BCKDHB: variants seen among roughly 807,000 people sequenced by gnomAD.
BCKDHB encodes the protein branched chain keto acid dehydrogenase E1 subunit beta, also known as 2-oxoisovalerate dehydrogenase subunit beta, mitochondrial.
Under a neutral mutation model 48.5 loss-of-function variants are expected in BCKDHB, and 41 were observed. The observed-to-expected ratio is 0.85, with a 90% CI of 0.66 to 1.10. BCKDHB has a LOEUF of 1.10. Ranked by LOEUF, BCKDHB falls within the 50% of genes least tolerant of loss-of-function variation. BCKDHB has a pLI of 0.00. For synonymous variants in BCKDHB, 201 were observed against 174.8 expected (o/e 1.15, Z -1.18); for missense variants, 496 against 494.2 (o/e 1.00, Z -0.03).
intron 8 of BCKDHB, among the ~76,000 whole-genome samples, chr6:80,211,177 G>A (rs1419474487): frequency 1.3e-5 from 2 of 152,140 alleles, no homozygotes; most frequent in African/African-American, 4.8e-5. Context: ...AGGTCTAGGT[G>A]ATTTTCACAT....
intron 8 of BCKDHB, among the ~76,000 whole-genome samples, chr6:80,270,986 G>C (rs1666536975): frequency 6.6e-6 from 1 of 151,974 alleles, no homozygotes; most frequent in South Asian, 2.1e-4. Context: ...AGACTTACTA[G>C]AATACTTTCA....
intron 3 of BCKDHB, among the ~76,000 whole-genome samples, chr6:80,143,360 A>C (rs1232573053): frequency 6.6e-6 from 1 of 152,146 alleles, no homozygotes; most frequent in African/African-American, 2.4e-5. Flanking sequence ...TTGGAAATCC[A>C]CTGTTATCAC....
the BCKDHB span, among the ~76,000 whole-genome samples, chr6:80,410,393 T>C: frequency 1.3e-5 from 2 of 152,176 alleles, no homozygotes; most frequent in African/African-American, 4.8e-5. Flanking sequence ...TTTCCTTCAT[T>C]TCAACCTTGG....
At chr6:80,447,131 A>G in the BCKDHB span, among the ~76,000 whole-genome samples, 134,375 of 152,050 alleles carry the variant, frequency 0.88, 59,730 homozygotes, top group East Asian at 0.95. Flanking sequence ...TTTTTTCTGG[A>G]TATGATGAAC....
chr6:80,339,133 G>C (rs181528239), intron 9 of BCKDHB, among the ~76,000 whole-genome samples: 1 of 152,148 alleles, frequency 6.6e-6, no homozygotes, highest in South Asian at 2.1e-4. Flanking sequence ...AACTTGAATG[G>C]AGAAATAGGG....
chr6:80,366,804 C>T, the BCKDHB span, among the ~76,000 whole-genome samples: 2 of 152,196 alleles, frequency 1.3e-5, no homozygotes, highest in Non-Finnish European at 2.9e-5. Context: ...AGTCTAGCTA[C>T]TTTCCCCACA....
chr6:80,110,905 A>C lies in BCKDHB; in HGVS notation c.196+4016A>C, dbSNP rs556471028. Among the ~76,000 whole-genome samples, 12 of 152,344 alleles carry C rather than the reference A, an allele frequency of 7.9e-5. No homozygotes were observed. The East Asian group carries it at 2.1e-3, about 27-fold the overall frequency. On this transcript the variant is annotated intron_variant, in intron 1 of 9. Coordinates refer to ENST00000320393, the MANE Select transcript of BCKDHB (RefSeq NM_183050.4). The stretch of plus-strand genomic sequence containing the variant: ...CTGTTTTAGCCTTCCTTGGTTTTCC[A>C]GTATACCATGCCAGTGTGTTAACCT...
chr6:80,178,139 A>G (rs1483738218), intron 6 of BCKDHB, among the ~76,000 whole-genome samples: 1 of 152,126 alleles, frequency 6.6e-6, no homozygotes, highest in African/African-American at 2.4e-5. Context: ...CCTCTATCTC[A>G]GCCATTCTGA....
intron 6 of BCKDHB, among the ~76,000 whole-genome samples, chr6:80,176,482 A>G (rs2127785282): frequency 6.6e-6 from 1 of 152,318 alleles, no homozygotes; most frequent in African/African-American, 2.4e-5. Flanking sequence ...GACAGGAGAT[A>G]AAGTACAGAG....
At chr6:80,375,715 G>C in the BCKDHB span, among the ~76,000 whole-genome samples, 3 of 152,074 alleles carry the variant, frequency 2.0e-5, no homozygotes, top group African/African-American at 7.2e-5. Context: ...TCTTGGGTGT[G>C]TTAAAGAACT....
At chr6:80,157,454 TG>T (rs1772097019) in intron 3 of BCKDHB, among the ~76,000 whole-genome samples, 1 of 143,874 alleles carries the variant, frequency 7.0e-6, no homozygotes, top group Non-Finnish European at 1.5e-5. Context: ...GATTATTGGG[TG>T]AGAATTTTTT....
At chr6:80,115,063 T>G (rs1769613958) in intron 1 of BCKDHB, among the ~76,000 whole-genome samples, 1 of 152,216 alleles carries the variant, frequency 6.6e-6, no homozygotes, top group Admixed American at 6.5e-5. Flanking sequence ...CCAATACCAT[T>G]TACTTCCTTT....
the BCKDHB span, among the ~76,000 whole-genome samples, chr6:80,416,767 TA>T: frequency 2.5e-5 from 3 of 119,596 alleles, no homozygotes; most frequent in East Asian, 2.1e-4. Flanking sequence ...TTTTTATTTT[TA>T]TTTTTATTTT....
chr6:80,332,814 C>T (rs1769383688), intron 9 of BCKDHB, among the ~76,000 whole-genome samples: 1 of 151,508 alleles, frequency 6.6e-6, no homozygotes, highest in African/African-American at 2.4e-5. Flanking sequence ...TTTTAGAACT[C>T]AAGTGGCAGC....
chr6:80,142,382 A>T (rs939136125), intron 3 of BCKDHB, among the ~76,000 whole-genome samples: 1 of 152,194 alleles, frequency 6.6e-6, no homozygotes, highest in South Asian at 2.1e-4. Flanking sequence ...ATGTCAGGTA[A>T]TGTGTGACTT....
intron 3 of BCKDHB, among the ~76,000 whole-genome samples, chr6:80,159,268 T>C (rs984792337): frequency 6.7e-6 from 1 of 149,280 alleles, no homozygotes; most frequent in African/African-American, 2.4e-5. Flanking sequence ...TGTGCACATG[T>C]ACCCTAGAAC....
At chr6:80,228,273 G>A (rs1775764014) in intron 8 of BCKDHB, among the ~76,000 whole-genome samples, 1 of 152,072 alleles carries the variant, frequency 6.6e-6, no homozygotes, top group African/African-American at 2.4e-5. Context: ...GAAAATGCAT[G>A]GATAAAACCA....
rs1554215008 is a variant in BCKDHB at position 80,335,247 on chromosome 6, A to AAAAAG, written c.1039-8417_1039-8416insAAAAG. On this transcript the variant is annotated intron_variant, in intron 9 of 9. Coordinates refer to ENST00000320393, the MANE Select transcript of BCKDHB (RefSeq NM_183050.4). ...ATTTTGTGGGAAAAAAAAAAAAAAA[A>AAAAAG]GAAGAAAAATTGAATGCTTTGTATG... Among the ~76,000 whole-genome samples the AAAAAG allele has an allele frequency of 4.1e-5, 6 of 144,876 alleles. 2 individuals carry two copies. The highest frequency in any genetic ancestry group is 6.9e-5 in the Admixed American group (1 of 14,484).
intron 8 of BCKDHB, among the ~76,000 whole-genome samples, chr6:80,254,564 A>G (rs1776970281): frequency 1.3e-5 from 2 of 152,080 alleles, no homozygotes; most frequent in Admixed American, 6.6e-5. Context: ...AACCAGGTTG[A>G]TGAAGTCCAC....
Sources: gnomAD v4.1 joint callset for allele counts (sites outside exome capture counted in the v4.1 genomes callset) on GRCh38, gnomAD v4.1.1 for gene constraint, MANE v1.5 for transcripts, NCBI Gene and HGNC (gene_info 2026-07-23, HGNC 2026-07-21) for gene names.